METTL2B: variants seen among roughly 807,000 people sequenced by gnomAD.
METTL2B encodes tRNA N(3)-cytidine methyltransferase METTL2B.
Under a neutral mutation model 51.0 loss-of-function variants are expected in METTL2B, and 28 were observed. The observed-to-expected ratio is 0.55, with a 90% confidence interval of 0.41 to 0.75. The LOEUF (loss-of-function observed/expected upper bound fraction) is 0.75. Among genes scored for constraint, METTL2B ranks in the 30% least tolerant of loss-of-function variants. The pLI is 0.00. For missense variants in METTL2B, 313 were observed against 460.7 expected, an observed-to-expected ratio of 0.68 and a Z score of 2.93; for synonymous variants, 128 against 166.3, an observed-to-expected ratio of 0.77 and a Z score of 1.77.
chr7:128,504,048 G>T lies in METTL2B; in HGVS notation c.*2132G>T, dbSNP rs1217564024. 1 of 151,976 alleles carries T rather than the reference G, an allele frequency of 6.6e-6. No individual in the cohort carries two copies. Among genetic ancestry groups the T allele is most frequent in the Non-Finnish European group, 1.5e-5 (1 of 67,990 alleles). The allele number at this position is 151,976 out of a possible 1,614,324, so 9.4% of individuals were successfully genotyped here. A position where few individuals can be genotyped will look rare whatever the true frequency, so the allele number is the denominator to read the frequency against. ...CCTTGTTGATGTTTTTCTAAATTTTGGAATAATAAATTTATATAGGAATAC... is the reference window on the plus strand; with the variant it reads ...CCTTGTTGATGTTTTTCTAAATTTTTGAATAATAAATTTATATAGGAATAC... On this transcript the variant is annotated 3_prime_UTR_variant, in exon 9 of 9. Coordinates refer to ENST00000262432, the MANE Select transcript of METTL2B (RefSeq NM_018396.3).
chr7:128,478,864 A>C (rs1799838080), intron 2 of METTL2B, among the ~76,000 whole-genome samples: 1 of 152,102 alleles, frequency 6.6e-6, no homozygotes, highest in Admixed American at 6.5e-5. Context: ...ACTCTGTCTC[A>C]AAAAGAAAAA....
At chr7:128,495,227 C>T (rs564486605) in intron 6 of METTL2B, among the ~76,000 whole-genome samples, 4 of 152,128 alleles carry the variant, frequency 2.6e-5, no homozygotes, top group African/African-American at 9.6e-5. Context: ...AGCCTATTGG[C>T]CTTTTAAATG....
intron 8 of METTL2B, 86 bp from the exon 9 acceptor site, chr7:128,501,676 A>T: frequency 6.4e-7 from 1 of 1,550,912 alleles, no homozygotes; most frequent in African/African-American, 1.4e-5. Context: ...GCAACTTCCC[A>T]GAGCCCCATT....
intron 7 of METTL2B, among the ~76,000 whole-genome samples, chr7:128,499,285 A>G (rs928181042): frequency 2.0e-5 from 3 of 152,216 alleles, no homozygotes; most frequent in African/African-American, 4.8e-5. Context: ...ACAAGTTAGT[A>G]CTTCTTATTG....
rs1799805102 is a variant in METTL2B at position 128,476,811 on chromosome 7, A to G, written c.46A>G (p.Lys16Glu). ...AGGTGCACCTGCAATCCTCGCCGAT[A>G]AGAGGCAGCAGTTCGGAAGCCGGTT... ...PEGAPAILAD[K>E]RQQFGSRFLS... is the part of the protein sequence containing the mutation. The change falls in exon 1 of 9, where the codon AAG becomes GAG. Residue 16 changes from lysine (K) to glutamate (E), a missense_variant. Coordinates refer to ENST00000262432, the MANE Select transcript of METTL2B (RefSeq NM_018396.3). 6.2e-7 allele frequency: 1 copy of G among 1,614,152 alleles called. No homozygotes were observed. The highest frequency in any genetic ancestry group is 8.5e-7 in the Non-Finnish European group (1 of 1,180,022).
intron 6 of METTL2B, among the ~76,000 whole-genome samples, chr7:128,497,748 G>A (rs1478343542): frequency 6.6e-6 from 1 of 151,708 alleles, no homozygotes; most frequent in East Asian, 1.9e-4. Flanking sequence ...CTCCCAAAAT[G>A]GTGGTATTAC....
At chr7:128,496,640 G>T (rs1196123816) in intron 6 of METTL2B, among the ~76,000 whole-genome samples, 4 of 152,034 alleles carry the variant, frequency 2.6e-5, no homozygotes, top group Non-Finnish European at 5.9e-5. Flanking sequence ...TAAAATTCAA[G>T]TCAGCCACAG....
At chr7:128,499,752 C>G (rs1464490458) in intron 7 of METTL2B, among the ~76,000 whole-genome samples, 5 of 151,806 alleles carry the variant, frequency 3.3e-5, no homozygotes, top group Non-Finnish European at 5.9e-5. Context: ...AACTCCTGAC[C>G]TCAGGTGATC....
At chr7:128,500,493 G>A (rs1310514914) in intron 7 of METTL2B, among the ~76,000 whole-genome samples, 1 of 152,038 alleles carries the variant, frequency 6.6e-6, no homozygotes, top group Admixed American at 6.6e-5. Flanking sequence ...GTGGTGGTGG[G>A]AACCTGTAAT....
intron 6 of METTL2B, among the ~76,000 whole-genome samples, chr7:128,496,299 C>G (rs2116863474): frequency 6.6e-6 from 1 of 152,296 alleles, no homozygotes; most frequent in Non-Finnish European, 1.5e-5. Context: ...AATCCCACCA[C>G]TTTGGGAGGC....
intron 5 of METTL2B, among the ~76,000 whole-genome samples, chr7:128,492,987 G>A (rs1266293056): frequency 2.6e-5 from 4 of 151,272 alleles, no homozygotes; most frequent in African/African-American, 7.3e-5. Context: ...TTTCATGATC[G>A]TTTTCCAATT....
chr7:128,478,834 A>G (rs1799837658), intron 2 of METTL2B, among the ~76,000 whole-genome samples: 1 of 152,078 alleles, frequency 6.6e-6, no homozygotes, highest in South Asian at 2.1e-4. Context: ...CCTGCACTCC[A>G]GCCTGGGTGA....
intron 4 of METTL2B, among the ~76,000 whole-genome samples, chr7:128,487,348 G>A (rs1477961835): frequency 6.6e-6 from 1 of 152,156 alleles, no homozygotes; most frequent in Non-Finnish European, 1.5e-5. Flanking sequence ...TTTCTAAAAC[G>A]CAAGCATACA....
At chr7:128,478,031 T>G in intron 2 of METTL2B, 1 of 407,826 alleles carries the variant, frequency 2.5e-6, no homozygotes, top group South Asian at 1.7e-5. Context: ...ACTAAAATCC[T>G]GTTTCTTAGG....
At position 128,505,483 on chromosome 7, in the gene METTL2B, T is replaced by C. The variant is rs1194753632; in HGVS notation, c.*3567T>C. 2 of 152,196 alleles carry C rather than the reference T, an allele frequency of 1.3e-5. No individual in the cohort carries two copies. Among genetic ancestry groups the C allele is most frequent in the Non-Finnish European group, 2.9e-5 (2 of 68,044 alleles). 9.4% of individuals were successfully genotyped at this position (152,196 alleles called of 1,614,324 possible). Reference sequence around the variant, plus strand: ...GCAGGAATATTCAGAGGTGATGCTGTGTTCCTCCCATAGGATCGTATCAGG... The same window carrying C: ...GCAGGAATATTCAGAGGTGATGCTGCGTTCCTCCCATAGGATCGTATCAGG... On this transcript the variant is annotated 3_prime_UTR_variant, in exon 9 of 9. Transcript: ENST00000262432.
intron 6 of METTL2B, among the ~76,000 whole-genome samples, chr7:128,497,671 C>T (rs1456633087): frequency 3.9e-5 from 6 of 152,092 alleles, no homozygotes; most frequent in East Asian, 3.9e-4. Flanking sequence ...TCAGTAGAGA[C>T]GGGGTTTCAC....
At chr7:128,481,206 C>T (rs1799869275) in intron 4 of METTL2B, among the ~76,000 whole-genome samples, 1 of 152,216 alleles carries the variant, frequency 6.6e-6, no homozygotes, top group Non-Finnish European at 1.5e-5. Flanking sequence ...AAGCAGAACG[C>T]TTCTGACACC....
chr7:128,485,439 A>G (rs953133350), intron 4 of METTL2B, among the ~76,000 whole-genome samples: 2 of 152,126 alleles, frequency 1.3e-5, no homozygotes, highest in Non-Finnish European at 2.9e-5. Flanking sequence ...CGAGACGGGC[A>G]GATCACAAGG....
In METTL2B at chr7:128,504,514, A is replaced by C. The variant is rs1793084546; in HGVS notation, c.*2598A>C. 1 of 151,314 alleles carries C rather than the reference A, an allele frequency of 6.6e-6. No individual in the cohort carries two copies. Among genetic ancestry groups the C allele is most frequent in the African/African-American group, 2.4e-5 (1 of 41,262 alleles). The allele number at this position is 151,314 out of a possible 1,614,324, so 9.4% of individuals were successfully genotyped here. ...ATTACAGGCATGCAGCACCATTCCCAGCTAAATTTTTTGTATTTTTAGTAG... is the reference window on the plus strand; with the variant it reads ...ATTACAGGCATGCAGCACCATTCCCCGCTAAATTTTTTGTATTTTTAGTAG... On this transcript the variant is annotated 3_prime_UTR_variant, in exon 9 of 9. Transcript: ENST00000262432.
Sources: gnomAD v4.1 joint callset for allele counts (sites outside exome capture counted in the v4.1 genomes callset) on GRCh38, gnomAD v4.1.1 for gene constraint, MANE v1.5 for transcripts, NCBI Gene and HGNC (gene_info 2026-07-23, HGNC 2026-07-21) for gene names.